The following CEP162 variants were observed in gnomAD, a reference collection of about 807,000 sequenced individuals.
The protein encoded by CEP162 is centrosomal protein 162.
Under a neutral mutation model 169.2 loss-of-function variants are expected in CEP162, and 141 were observed. The observed-to-expected ratio is 0.83, with a 90% CI of 0.73 to 0.96. CEP162 has a LOEUF of 0.96. Among genes scored for constraint, CEP162 ranks in the 40% least tolerant of loss-of-function variants. The pLI is 0.00. For missense variants in CEP162, 1,600 were observed against 1,587.2 expected (o/e 1.01, Z -0.14); for synonymous variants, 540 against 526.4 (o/e 1.03, Z -0.35).
rs564635116 is a variant in CEP162 at position 84,170,038 on chromosome 6, A to G, written c.2280-605T>C. 2.0e-5 allele frequency among the ~76,000 whole-genome samples: 3 copies of G among 152,288 alleles called. No individual in the cohort carries two copies. The South Asian group carries it at 6.2e-4, about 32-fold the overall frequency. ...TCTTTTAGAAGCCAAGTAGTACAAG[A>G]TAAGATATTTTAAAATAACTTTACT... On this transcript the variant is annotated intron_variant, in intron 17 of 26. Coordinates refer to ENST00000403245, the MANE Select transcript of CEP162 (RefSeq NM_014895.4).
At chr6:84,156,743 G>GACACACACACACACAC (rs71736099) in intron 21 of CEP162, among the ~76,000 whole-genome samples, 1,400 of 125,618 alleles carry the variant, frequency 0.011, 15 homozygotes, top group African/African-American at 0.034. Context: ...GTATCAAAAA[G>GACACACACACACACAC]ACACACACAC....
At chr6:84,223,081 T>C (rs1298507266) in intron 2 of CEP162, among the ~76,000 whole-genome samples, 1 of 152,174 alleles carries the variant, frequency 6.6e-6, no homozygotes, top group Non-Finnish European at 1.5e-5. Flanking sequence ...TGTAGGGCCA[T>C]GACAAAGAAG....
chr6:84,213,394 G>A (rs2099550284), intron 5 of CEP162, among the ~76,000 whole-genome samples: 1 of 152,088 alleles, frequency 6.6e-6, no homozygotes, highest in African/African-American at 2.4e-5. Context: ...AAGTCCATAT[G>A]AAAGCCAGAA....
intron 21 of CEP162, among the ~76,000 whole-genome samples, chr6:84,157,901 TAA>T (rs2099523878): frequency 6.6e-6 from 1 of 152,162 alleles, no homozygotes; most frequent in South Asian, 2.1e-4. Flanking sequence ...CTGGTCCAAA[TAA>T]AGTTTAATCT....
rs763481439 is a variant in CEP162, at chr6:84,215,422, T to C, written c.363A>G (p.Gly121=). The change falls in exon 5 of 27, where the codon GGA becomes GGG. Residue 121 remains glycine, a synonymous_variant. Coordinates refer to ENST00000403245, the MANE Select transcript of CEP162 (RefSeq NM_014895.4). The part of the protein sequence containing the change: ...SELNHSSLGV[G]LDTLEEQEEK... Reference sequence around the variant, plus strand: ...CCTCTTGTTCTTCTAATGTGTCCAATCCCACTCCGAGACTACTATGGTTGA... The same window carrying C: ...CCTCTTGTTCTTCTAATGTGTCCAACCCCACTCCGAGACTACTATGGTTGA... 5.6e-6 allele frequency: 9 copies of C among 1,609,486 alleles called. No individual in the cohort carries two copies. The highest frequency in any genetic ancestry group is 7.6e-6 in the Non-Finnish European group (9 of 1,177,872).
intron 7 of CEP162, 58 bp downstream of exon 7, chr6:84,203,923 G>T (rs907846652): frequency 2.0e-6 from 2 of 982,518 alleles, no homozygotes; most frequent in Non-Finnish European, 3.1e-6. Context: ...TATAGCAATA[G>T]GCAGCCAGGT....
chr6:84,183,646 G>A lies in CEP162; in HGVS notation c.1663+1541C>T, dbSNP rs115262621. On this transcript the variant is annotated intron_variant, in intron 13 of 26. Coordinates refer to ENST00000403245, the MANE Select transcript of CEP162 (RefSeq NM_014895.4). ...ATGCCCTTTCTTCCTTCATTGCTCA[G>A]CTTAAATTCCATGGTCAACCATTTT... Among the ~76,000 whole-genome samples, 526 of 152,166 alleles carry A rather than the reference G, an allele frequency of 3.5e-3. 3 individuals carry two copies. The highest frequency in any genetic ancestry group is 0.012 in the African/African-American group (484 of 41,530).
rs138689097 is a variant in CEP162, at chr6:84,217,626, C to A, written c.173-1704G>T. Among the ~76,000 whole-genome samples the A allele has an allele frequency of 2.7e-3, 405 of 152,236 alleles. 2 individuals carry two copies. Among genetic ancestry groups the A allele is most frequent in the African/African-American group, 9.5e-3 (394 of 41,560 alleles). ...TGGGTGGTAGCTTAAAGGTCATTAGCTTTTATAACAAGTGAAATGAGAAGC... is the reference window on the plus strand; with the variant it reads ...TGGGTGGTAGCTTAAAGGTCATTAGATTTTATAACAAGTGAAATGAGAAGC... On this transcript the variant is annotated intron_variant, in intron 3 of 26. Transcript: ENST00000403245.
At chr6:84,203,503 G>GAC (rs1480139262) in intron 7 of CEP162, among the ~76,000 whole-genome samples, 1 of 152,152 alleles carries the variant, frequency 6.6e-6, no homozygotes, top group African/African-American at 2.4e-5. Flanking sequence ...GGAGTGCAGT[G>GAC]ACATGATCAC....
chr6:84,128,746 G>T (rs1314324279), intron 25 of CEP162, among the ~76,000 whole-genome samples: 1 of 151,928 alleles, frequency 6.6e-6, no homozygotes, highest in Non-Finnish European at 1.5e-5. Context: ...AGAACGTGCA[G>T]GTTTGTTACA....
At chr6:84,201,697 AT>A in intron 8 of CEP162, 39 bp downstream of exon 8, 2 of 1,073,028 alleles carry the variant, frequency 1.9e-6, no homozygotes, top group South Asian at 1.5e-5. Flanking sequence ...GAACAGACTA[AT>A]TTTTTGCCAA....
intron 21 of CEP162, among the ~76,000 whole-genome samples, chr6:84,158,985 C>T (rs1333572402): frequency 6.6e-6 from 1 of 151,418 alleles, no homozygotes; most frequent in Non-Finnish European, 1.5e-5. Context: ...AAAGCACAAA[C>T]ACAATCTAAA....
At chr6:84,224,514 G>A (rs576265882) in intron 2 of CEP162, among the ~76,000 whole-genome samples, 5 of 152,148 alleles carry the variant, frequency 3.3e-5, no homozygotes, top group Admixed American at 2.0e-4. Flanking sequence ...ATTTAAAATG[G>A]GTGAATTAAA....
chr6:84,211,825 T>C (rs1250408412), intron 6 of CEP162, among the ~76,000 whole-genome samples: 1 of 149,934 alleles, frequency 6.7e-6, no homozygotes, highest in Non-Finnish European at 1.5e-5. Context: ...CATAGATCAA[T>C]GATGCTCAAC....
Position 84,174,789 on chromosome 6 carries a change from T to C in CEP162, c.1963A>G (p.Lys655Glu). ...AAGAGTTCTTTTTCCTGTTGTTTCT[T>C]TAGTTCTTCCAACTTATTTTCTAGT... ...KELENKLEEL[K>E]KQQEKELFKL... The change falls in exon 15 of 27, where the codon AAG (lysine) becomes GAG (glutamate). Residue 655 changes from lysine (K) to glutamate (E), a missense_variant. Lys to Glu is a moderately conservative substitution (Grantham distance 56, BLOSUM62 1). Coordinates refer to ENST00000403245, the MANE Select transcript of CEP162 (RefSeq NM_014895.4). 2 of 1,578,886 alleles carry C rather than the reference T, an allele frequency of 1.3e-6. No individual in the cohort carries two copies. Among genetic ancestry groups the C allele is most frequent in the Non-Finnish European group, 1.7e-6 (2 of 1,157,452 alleles).
chr6:84,163,746 A>G (rs2099526666), intron 18 of CEP162, among the ~76,000 whole-genome samples: 1 of 151,956 alleles, frequency 6.6e-6, no homozygotes, highest in African/African-American at 2.4e-5. Context: ...TGGGCGGATC[A>G]CTTGAGGTCA....
chr6:84,126,620 A>C, intron 25 of CEP162, 108 bp from the exon 26 acceptor site: 1 of 723,372 alleles, frequency 1.4e-6, no homozygotes, highest in Non-Finnish European at 2.1e-6. Context: ...AGTAAGAGGC[A>C]CCTTGGATTG....
Position 84,163,276 on chromosome 6 carries a change from T to C in CEP162, c.2386-6A>G, listed in dbSNP as rs2099526481. On this transcript the variant is annotated splice_region_variant and splice_polypyrimidine_tract_variant and intron_variant, in intron 18 of 26. Transcript: ENST00000403245. ...AATAAACTGTCTTTTTCTTTCTTGA[T>C]ATTCAAAAGAAATATAAAAGCAAGT... is the stretch of plus-strand genomic sequence containing the variant. The C allele has an allele frequency of 1.9e-6, 3 of 1,594,538 alleles. No individual in the cohort carries two copies. Among genetic ancestry groups the C allele is most frequent in the South Asian group, 2.2e-5 (2 of 89,118 alleles).
intron 25 of CEP162, among the ~76,000 whole-genome samples, chr6:84,141,186 C>T (rs1480134993): frequency 1.3e-5 from 2 of 152,008 alleles, no homozygotes; most frequent in Non-Finnish European, 2.9e-5. Flanking sequence ...GGGTTGGGGA[C>T]CCCTGGTCTA....
Sources: gnomAD v4.1 joint callset for allele counts (sites outside exome capture counted in the v4.1 genomes callset) on GRCh38, gnomAD v4.1.1 for gene constraint, MANE v1.5 for transcripts, NCBI Gene and HGNC (gene_info 2026-07-23, HGNC 2026-07-21) for gene names.